Variants in SETBP1 observed in about 807,000 individuals in gnomAD.
The protein encoded by SETBP1 is SET-binding protein.
Under a neutral mutation model 101.0 loss-of-function variants are expected in SETBP1, and 9 were observed. The observed-to-expected ratio is 0.09, with a 90% CI of 0.05 to 0.16. SETBP1 has a LOEUF of 0.16. Among genes scored for constraint, SETBP1 ranks in the 10% least tolerant of loss-of-function variants. The probability of loss-of-function intolerance (pLI) is 1.00; values close to 1 mark genes in which losing one functional copy is unlikely to be tolerated. For missense variants in SETBP1, 1,858 were observed against 2,033.8 expected (o/e 0.91, Z 1.66); for synonymous variants, 818 against 788.5 (o/e 1.04, Z -0.63).
At chr18:44,976,073 T>TACACACAC (rs57458132) in intron 4 of SETBP1, among the ~76,000 whole-genome samples, 2,605 of 143,644 alleles carry the variant, frequency 0.018, 31 homozygotes, top group African/African-American at 0.03. Flanking sequence ...TGGGGAGGGA[T>TACACACAC]ACACACACAC....
intron 2 of SETBP1, among the ~76,000 whole-genome samples, chr18:44,734,477 A>G (rs1447737055): frequency 1.3e-5 from 2 of 152,170 alleles, no homozygotes; most frequent in Admixed American, 6.5e-5. Flanking sequence ...TTAGTTTGAC[A>G]TTCTAGGATC....
At chr18:44,834,995 C>T (rs1187165249) in intron 2 of SETBP1, among the ~76,000 whole-genome samples, 1 of 152,130 alleles carries the variant, frequency 6.6e-6, no homozygotes, top group Non-Finnish European at 1.5e-5. Context: ...GTGGGACAGA[C>T]AGGCGACTAG....
intron 3 of SETBP1, among the ~76,000 whole-genome samples, chr18:44,885,165 C>G (rs967631939): frequency 6.6e-6 from 1 of 152,110 alleles, no homozygotes; most frequent in Non-Finnish European, 1.5e-5. Context: ...CTGGCTGACT[C>G]TAAGAAATTC....
chr18:45,058,305 C>T (rs2073841280), intron 5 of SETBP1, among the ~76,000 whole-genome samples: 1 of 152,092 alleles, frequency 6.6e-6, no homozygotes, highest in Non-Finnish European at 1.5e-5. Flanking sequence ...TTTAGAGGGA[C>T]AGTGAAATCA....
At chr18:45,004,143 C>T (rs144656099) in intron 4 of SETBP1, among the ~76,000 whole-genome samples, 24 of 152,314 alleles carry the variant, frequency 1.6e-4, no homozygotes, top group African/African-American at 4.3e-4. Context: ...ATAAATCTCA[C>T]CTGATGAACA....
At chr18:44,813,394 G>T (rs2071906331) in intron 2 of SETBP1, among the ~76,000 whole-genome samples, 1 of 152,128 alleles carries the variant, frequency 6.6e-6, no homozygotes, top group Admixed American at 6.5e-5. Flanking sequence ...ACAAGTGCTG[G>T]ACAGGGCTGG....
intron 2 of SETBP1, among the ~76,000 whole-genome samples, chr18:44,828,444 C>T (rs969582052): frequency 1.8e-4 from 27 of 152,170 alleles, no homozygotes; most frequent in African/African-American, 6.3e-4. Flanking sequence ...CTTGATGTCT[C>T]TTTGAATATG....
At chr18:44,755,741 G>A (rs1406504875) in intron 2 of SETBP1, among the ~76,000 whole-genome samples, 1 of 152,040 alleles carries the variant, frequency 6.6e-6, no homozygotes, top group African/African-American at 2.4e-5. Flanking sequence ...GGGACTTTGT[G>A]TTTGTAATCA....
intron 2 of SETBP1, among the ~76,000 whole-genome samples, chr18:44,746,319 A>T (rs1293233657): frequency 1.3e-5 from 2 of 152,258 alleles, no homozygotes; most frequent in Non-Finnish European, 2.9e-5. Context: ...ATAGTACAAT[A>T]GTCATAGCGT....
chr18:45,035,073 C>T (rs2073370434), intron 4 of SETBP1, among the ~76,000 whole-genome samples: 1 of 151,902 alleles, frequency 6.6e-6, no homozygotes, highest in Non-Finnish European at 1.5e-5. Context: ...AATGAAGAGA[C>T]TTCCAGTAGC....
chr18:44,909,469 C>CT (rs545619829), intron 3 of SETBP1, among the ~76,000 whole-genome samples: 4 of 152,314 alleles, frequency 2.6e-5, no homozygotes, highest in African/African-American at 7.2e-5. Flanking sequence ...GTCCAAGGCT[C>CT]TGAGGTTTTC....
At chr18:44,844,767 G>A (rs1380136384) in intron 2 of SETBP1, among the ~76,000 whole-genome samples, 1 of 152,186 alleles carries the variant, frequency 6.6e-6, no homozygotes, top group Non-Finnish European at 1.5e-5. Context: ...GGTGACTGAA[G>A]CTTCCAAGTT....
At chr18:45,052,425 T>C (rs1396300698) in intron 5 of SETBP1, among the ~76,000 whole-genome samples, 2 of 152,228 alleles carry the variant, frequency 1.3e-5, no homozygotes, top group Non-Finnish European at 2.9e-5. Context: ...TAAACTGAAT[T>C]CCAGTGGAAA....
At chr18:44,814,893 T>C (rs2071943289) in intron 2 of SETBP1, among the ~76,000 whole-genome samples, 1 of 152,234 alleles carries the variant, frequency 6.6e-6, no homozygotes, top group Admixed American at 6.5e-5. Context: ...GCTATTAAGA[T>C]AAAGTATGTG....
At chr18:45,028,849 G>T (rs541668492) in intron 4 of SETBP1, among the ~76,000 whole-genome samples, 2,648 of 152,218 alleles carry the variant, frequency 0.017, 76 homozygotes, top group African/African-American at 0.06. Flanking sequence ...CCCACTTTTT[G>T]ATTGGGTTGT....
chr18:45,009,928 C>T (rs945800560), intron 4 of SETBP1, among the ~76,000 whole-genome samples: 23 of 152,176 alleles, frequency 1.5e-4, no homozygotes, highest in Admixed American at 1.4e-3. Flanking sequence ...TGTTTAATCA[C>T]GTGTCCTTTC....
At chr18:44,831,990 A>T (rs117344541) in intron 2 of SETBP1, among the ~76,000 whole-genome samples, 4,530 of 152,292 alleles carry the variant, frequency 0.03, 110 homozygotes, top group Middle Eastern at 0.051. Context: ...TGATAGGCTG[A>T]TAAGCACAAA....
At chr18:44,808,677 G>C (rs1001152625) in intron 2 of SETBP1, among the ~76,000 whole-genome samples, 7 of 152,160 alleles carry the variant, frequency 4.6e-5, no homozygotes, top group Non-Finnish European at 1.0e-4. Flanking sequence ...TTGAGAAACC[G>C]AATTTCCCTT....
intron 4 of SETBP1, among the ~76,000 whole-genome samples, chr18:45,003,463 G>A (rs1010914941): frequency 1.3e-5 from 2 of 152,210 alleles, no homozygotes; most frequent in Admixed American, 6.5e-5. Flanking sequence ...CAAGGAGCAT[G>A]ATTAGACAGC....
Sources: allele counts gnomAD v4.1 joint callset (sites outside exome capture counted in the v4.1 genomes callset), GRCh38; gene constraint gnomAD v4.1.1; transcripts MANE v1.5; gene names NCBI Gene and HGNC (gene_info 2026-07-23, HGNC 2026-07-21).